SKOR2: variants seen among roughly 807,000 people sequenced by gnomAD.
SKOR2 encodes SKI family transcriptional corepressor 2.
In SKOR2, 47 loss-of-function variants were observed where a neutral mutation model predicts 69.1. The observed-to-expected ratio is 0.68, with a 90% CI of 0.54 to 0.87. The LOEUF (loss-of-function observed/expected upper bound fraction) is 0.87. SKOR2 is among the 40% of genes least tolerant of loss of function. The pLI, the probability that SKOR2 is intolerant of heterozygous loss-of-function variation, is 0.00. For missense variants in SKOR2, 1,404 were observed against 1,472.2 expected (o/e 0.95, Z 0.76); for synonymous variants, 717 against 672.6 (o/e 1.07, Z -1.02).
At position 47,238,948 on chromosome 18, in the gene SKOR2, A is replaced by G. The variant is rs185939444; in HGVS notation, c.2752+5960T>C. ...ACAGGGCCTGGCCACTGTTGAACAA[A>G]AGCTCCACGTATGCATGTTTAACTT... On this transcript the variant is annotated intron_variant, in intron 4 of 8. Transcript: ENST00000425639. Among the ~76,000 whole-genome samples, 165 of 152,350 alleles carry G rather than the reference A, an allele frequency of 1.1e-3. 2 individuals are homozygous for G. Among genetic ancestry groups the G allele is most frequent in the African/African-American group, 3.6e-3 (150 of 41,582 alleles).
chr18:47,218,930 C>G (rs765974397), intron 7 of SKOR2, among the ~76,000 whole-genome samples: 1 of 152,156 alleles, frequency 6.6e-6, no homozygotes, highest in Non-Finnish European at 1.5e-5. Context: ...TCAAGGAAAA[C>G]CAATTGCTGC....
chr18:47,241,224 C>CA (rs1380956906), intron 4 of SKOR2, among the ~76,000 whole-genome samples: 2 of 152,158 alleles, frequency 1.3e-5, no homozygotes, highest in Admixed American at 6.5e-5. Context: ...AGTAAATAAA[C>CA]AAATGAATGC....
At chr18:47,236,308 C>G (rs1410034063) in intron 4 of SKOR2, among the ~76,000 whole-genome samples, 1 of 152,176 alleles carries the variant, frequency 6.6e-6, no homozygotes, top group Non-Finnish European at 1.5e-5. Flanking sequence ...TGTTTATTGC[C>G]TAACAGGCAT....
At chr18:47,242,765 A>G (rs2064254516) in intron 4 of SKOR2, among the ~76,000 whole-genome samples, 1 of 152,170 alleles carries the variant, frequency 6.6e-6, no homozygotes, top group South Asian at 2.1e-4. Context: ...AATATTACCA[A>G]TAGCCGACTC....
Position 47,216,680 on chromosome 18 carries a change from C to A in SKOR2, c.2985+3263G>T, listed in dbSNP as rs2064145015. Reference sequence around the variant, plus strand: ...TCAATATAAGTTTTTTGAATAGAAACACTTTTTAACAACATAGGATAAATG... The same window carrying A: ...TCAATATAAGTTTTTTGAATAGAAAAACTTTTTAACAACATAGGATAAATG... On this transcript the variant is annotated intron_variant, in intron 7 of 8. Transcript: ENST00000425639. Among the ~76,000 whole-genome samples the A allele has an allele frequency of 2.6e-5, 4 of 152,202 alleles. No individual in the cohort carries two copies. In the South Asian group the frequency reaches 8.3e-4, roughly 32 times the overall value.
Position 47,247,261 on chromosome 18 carries a change from C to A in SKOR2, c.1923G>T (p.Gly641=). Residue 641 remains glycine, a synonymous_variant, in exon 2 of 9, where the codon GGG becomes GGT. Transcript: ENST00000425639. This position sits in a 1 kb window ranked among gnomAD's most constrained non-coding sequence, Gnocchi z 6.6. Reference sequence around the variant, plus strand: ...CCGAGTGGGGCGCGCCCGCCGACGCCCCGTGCAGCTTGGCCAGGCTCTCCG... The same window carrying A: ...CCGAGTGGGGCGCGCCCGCCGACGCACCGTGCAGCTTGGCCAGGCTCTCCG... ...DDAESLAKLH[G]ASAGAPHSAQ... 6.8e-7 allele frequency: 1 copy of A among 1,478,856 alleles called. No homozygotes were observed. The highest frequency in any genetic ancestry group is 8.9e-7 in the Non-Finnish European group (1 of 1,120,570). 91.6% of individuals were successfully genotyped at this position (1,478,856 alleles called of 1,614,324 possible). A position where few individuals can be genotyped will look rare whatever the true frequency, so the allele number is the denominator to read the frequency against.
At chr18:47,212,823 A>G (rs1203768109) in intron 7 of SKOR2, among the ~76,000 whole-genome samples, 2 of 152,006 alleles carry the variant, frequency 1.3e-5, no homozygotes, top group Non-Finnish European at 2.9e-5. Flanking sequence ...AAATTAAAAA[A>G]TTAGCCAAGT....
intron 4 of SKOR2, among the ~76,000 whole-genome samples, chr18:47,236,829 G>T (rs958030785): frequency 1.3e-5 from 2 of 152,134 alleles, no homozygotes; most frequent in South Asian, 2.1e-4. Flanking sequence ...CTTCCATAAG[G>T]CTTTTTCAAC....
chr18:47,240,257 T>C (rs2064243085), intron 4 of SKOR2, among the ~76,000 whole-genome samples: 1 of 152,204 alleles, frequency 6.6e-6, no homozygotes, highest in Non-Finnish European at 1.5e-5. Context: ...TTTACCTGAT[T>C]TCCTTGACCT....
chr18:47,224,323 G>T (rs2064171481), intron 6 of SKOR2, among the ~76,000 whole-genome samples: 1 of 152,196 alleles, frequency 6.6e-6, no homozygotes, highest in Non-Finnish European at 1.5e-5. Flanking sequence ...TTTGGAAAAT[G>T]ATAATACGAA....
At chr18:47,246,218 G>T (rs1281567209) in intron 2 of SKOR2, among the ~76,000 whole-genome samples, 2 of 152,202 alleles carry the variant, frequency 1.3e-5, no homozygotes, top group African/African-American at 4.8e-5. Flanking sequence ...TTGTGGTCTT[G>T]CTCCTTTTAG....
At chr18:47,212,648 A>G (rs960821065) in intron 7 of SKOR2, among the ~76,000 whole-genome samples, 10 of 152,246 alleles carry the variant, frequency 6.6e-5, no homozygotes, top group South Asian at 4.2e-4. Context: ...AACCCAAACT[A>G]TTACTCTGAT....
chr18:47,228,020 C>A (rs2064184791), intron 6 of SKOR2, among the ~76,000 whole-genome samples: 1 of 152,188 alleles, frequency 6.6e-6, no homozygotes, highest in African/African-American at 2.4e-5. Flanking sequence ...AAAAGCTTTG[C>A]AAAACTCTCA....
chr18:47,207,659 A>T (rs752458370), intron 8 of SKOR2, among the ~76,000 whole-genome samples: 1 of 152,232 alleles, frequency 6.6e-6, no homozygotes, highest in Non-Finnish European at 1.5e-5. Flanking sequence ...AGATGAGAGA[A>T]ATGAATGTAC....
chr18:47,212,280 T>C, intron 7 of SKOR2, 129 bp from the exon 8 acceptor site: 2 of 815,610 alleles, frequency 2.5e-6, no homozygotes, highest in South Asian at 6.5e-5. Flanking sequence ...GAGGTCTCCA[T>C]CTGCTCAGCG....
intron 8 of SKOR2, 103 bp from the exon 9 acceptor site, chr18:47,206,995 C>T (rs1200868560): frequency 2.0e-5 from 3 of 152,172 alleles, no homozygotes; most frequent in Non-Finnish European, 2.9e-5. Flanking sequence ...TAGGAGAAGA[C>T]ATTTTGTCTG....
chr18:47,229,676 T>G (rs1257718578), intron 6 of SKOR2, among the ~76,000 whole-genome samples: 1 of 152,058 alleles, frequency 6.6e-6, no homozygotes, highest in Non-Finnish European at 1.5e-5. Flanking sequence ...AAAATAAGTT[T>G]GCATACTATT....
At chr18:47,227,326 ATT>A (rs778462203) in intron 6 of SKOR2, among the ~76,000 whole-genome samples, 1,685 of 90,842 alleles carry the variant, frequency 0.019, 10 homozygotes, top group African/African-American at 0.086. Flanking sequence ...CAAGAAGCCA[ATT>A]TTTTTTTTTT....
In SKOR2 at chr18:47,248,399, G is replaced by A; in HGVS notation, c.785C>T (p.Ala262Val). The A allele has an allele frequency of 1.5e-6, 2 of 1,376,412 alleles. No individual in the cohort carries two copies. Among genetic ancestry groups the A allele is most frequent in the South Asian group, 1.7e-5 (1 of 58,728 alleles). 85.3% of individuals were successfully genotyped at this position (1,376,412 alleles called of 1,614,324 possible). A position where few individuals can be genotyped will look rare whatever the true frequency, so the allele number is the denominator to read the frequency against. ...CACCGCGGCCGCGGCGGCCACGGCGGCCGCCTTCACAGAGCTGAGCGGGTG... is the reference window on the plus strand; with the variant it reads ...CACCGCGGCCGCGGCGGCCACGGCGACCGCCTTCACAGAGCTGAGCGGGTG... The part of the protein sequence containing the change: ...ACHPLSSVKA[A>V]AVAAAAAVAG... Residue 262 changes from alanine to valine, a missense_variant, in exon 2 of 9, where the codon GCC (alanine) becomes GTC (valine). By Grantham distance (64) the Ala-to-Val change is moderately conservative (BLOSUM62 0). Around this residue, in one of 3 missense-constraint regions of SKOR2, gnomAD observed 1,266 missense variants for 1,309.9 expected, o/e 0.97. Coordinates refer to ENST00000425639, the MANE Select transcript of SKOR2 (RefSeq NM_001278063.4). This position sits in a 1 kb window ranked among gnomAD's most constrained non-coding sequence, Gnocchi z 6.4.
Sources: allele counts gnomAD v4.1 joint callset (sites outside exome capture counted in the v4.1 genomes callset), GRCh38; gene constraint gnomAD v4.1.1; regional missense constraint gnomAD v4.1.1; non-coding constraint Gnocchi (gnomAD v3.1); transcripts MANE v1.5; gene names NCBI Gene and HGNC (gene_info 2026-07-23, HGNC 2026-07-21).